The following NEK10 variants were observed in gnomAD, a reference collection of about 807,000 sequenced individuals.
NEK10 encodes the protein serine/threonine-protein kinase Nek10.
NEK10 carries 122 observed loss-of-function variants against 159.8 expected under a neutral mutation model. The ratio of observed to expected loss-of-function variants is 0.76; its 90% CI spans 0.66 to 0.89. NEK10 has a LOEUF of 0.89. Ranked by LOEUF, NEK10 falls within the 40% of genes least tolerant of loss-of-function variation. The pLI is 0.00. For missense variants in NEK10, 1,342 were observed against 1,323.1 expected, an observed-to-expected ratio of 1.01 and a Z score of -0.22; for synonymous variants, 466 against 457.1, an observed-to-expected ratio of 1.02 and a Z score of -0.25.
chr3:27,314,402 C>A, intron 6 of NEK10, 64 bp from the exon 7 acceptor site: 1 of 929,486 alleles, frequency 1.1e-6, no homozygotes, highest in Non-Finnish European at 1.7e-6. Flanking sequence ...GTATATTTTA[C>A]ATGCAATTTC....
intron 3 of NEK10, among the ~76,000 whole-genome samples, chr3:27,351,242 T>C (rs1559547037): frequency 2.0e-5 from 3 of 152,150 alleles, no homozygotes; most frequent in Admixed American, 2.0e-4. Context: ...TTTGATATTA[T>C]GGTTACATCA....
rs761250931 is a variant in NEK10, at chr3:27,284,829, TA to T, written c.1911+10del. The stretch of plus-strand genomic sequence containing the variant: ...TGTTTTAAGAAAAATTTAATGAAGA[TA>T]AAAGCATACCTGTATAAATATTTTC... On this transcript the variant is annotated intron_variant, in intron 21 of 35. Transcript: ENST00000691995. 5.1e-5 allele frequency: 81 copies of T among 1,576,624 alleles called. No homozygotes were observed. The African/African-American group carries it at 9.5e-4, about 18-fold the overall frequency.
chr3:27,258,149 T>C (rs535680372), intron 22 of NEK10, among the ~76,000 whole-genome samples: 104 of 152,282 alleles, frequency 6.8e-4, no homozygotes, highest in Non-Finnish European at 1.3e-3. Context: ...ACTGCTGATA[T>C]ATATTGTAAA....
intron 23 of NEK10, among the ~76,000 whole-genome samples, chr3:27,203,041 C>T (rs1284198780): frequency 1.1e-4 from 16 of 152,156 alleles, no homozygotes; most frequent in East Asian, 7.7e-4. Context: ...GTACTGAGGG[C>T]TTCCATTTAT....
At chr3:27,244,867 G>A (rs985319224) in intron 23 of NEK10, among the ~76,000 whole-genome samples, 2 of 151,932 alleles carry the variant, frequency 1.3e-5, no homozygotes, top group Non-Finnish European at 1.5e-5. Context: ...GCACTTCAGA[G>A]GGTTGCTCCC....
chr3:27,222,025 G>A (rs1952150100), intron 23 of NEK10, among the ~76,000 whole-genome samples: 1 of 152,178 alleles, frequency 6.6e-6, no homozygotes, highest in East Asian at 1.9e-4. Flanking sequence ...GGGTAGGAAG[G>A]GGAAGTAGGA....
chr3:27,358,745 T>G (rs1290860628), intron 1 of NEK10, among the ~76,000 whole-genome samples: 1 of 152,224 alleles, frequency 6.6e-6, no homozygotes, highest in Admixed American at 6.5e-5. Context: ...GATCCTCAGG[T>G]GGCCTCATAT....
At chr3:27,144,419 G>A (rs991124954) in intron 30 of NEK10, among the ~76,000 whole-genome samples, 6 of 152,202 alleles carry the variant, frequency 3.9e-5, no homozygotes, top group Non-Finnish European at 5.9e-5. Flanking sequence ...AAGTACAAGA[G>A]TTATTTTAGG....
At chr3:27,270,651 C>T (rs905737131) in intron 22 of NEK10, among the ~76,000 whole-genome samples, 3 of 152,144 alleles carry the variant, frequency 2.0e-5, no homozygotes, top group African/African-American at 7.2e-5. Context: ...GACTCCCTCC[C>T]TCCATCTCTC....
intron 23 of NEK10, among the ~76,000 whole-genome samples, chr3:27,232,636 G>A (rs1287054611): frequency 2.0e-5 from 3 of 151,980 alleles, no homozygotes; most frequent in Non-Finnish European, 4.4e-5. Flanking sequence ...TAAATCTGGA[G>A]GCATCACATT....
rs182518864 is a variant in NEK10 at position 27,239,785 on chromosome 3, T to C, written c.2090+16511A>G. Among the ~76,000 whole-genome samples the C allele has an allele frequency of 3.3e-5, 5 of 152,316 alleles. No individual in the cohort carries two copies. In the East Asian group the frequency reaches 9.7e-4, roughly 29 times the overall value. On this transcript the variant is annotated intron_variant, in intron 23 of 35. Coordinates refer to ENST00000691995, the MANE Select transcript of NEK10 (RefSeq NM_001394966.1). ...TGAAGAGTCATTAAATGTTGGGTAGTGACCATTTGCTTTGCCTGGCCACTA... is the reference window on the plus strand; with the variant it reads ...TGAAGAGTCATTAAATGTTGGGTAGCGACCATTTGCTTTGCCTGGCCACTA...
At chr3:27,176,847 T>C (rs1166466026) in intron 26 of NEK10, among the ~76,000 whole-genome samples, 2 of 152,194 alleles carry the variant, frequency 1.3e-5, no homozygotes, top group Non-Finnish European at 2.9e-5. Context: ...AATTTTTGAA[T>C]TGAGAAAACT....
At chr3:27,194,457 A>C (rs1263254419) in intron 25 of NEK10, 1 of 152,188 alleles carries the variant, frequency 6.6e-6, no homozygotes, top group Non-Finnish European at 1.5e-5. Context: ...GTCATAATAC[A>C]TGCTAAAGAT....
In NEK10 at chr3:27,311,033, G is replaced by T; in HGVS notation, c.569-17C>A. On this transcript the variant is annotated splice_polypyrimidine_tract_variant and intron_variant, in intron 8 of 35. Transcript: ENST00000691995. ...GAAAAATATCTATAAAGGAAAGAAA[G>T]AGCGCAAAGAGGCATCCAGAGATTA... 6.5e-7 allele frequency: 1 copy of T among 1,544,532 alleles called. No individual in the cohort carries two copies.
At chr3:27,339,963 A>G (rs1313867284) in intron 5 of NEK10, among the ~76,000 whole-genome samples, 3 of 152,160 alleles carry the variant, frequency 2.0e-5, no homozygotes, top group African/African-American at 7.2e-5. Flanking sequence ...TTCCTCAAGG[A>G]TCTAGAACCA....
In NEK10 at chr3:27,260,411, TGA is replaced by T. The variant is rs755270148; in HGVS notation, c.2015-4042_2015-4041del. Among the ~76,000 whole-genome samples, 31 of 152,294 alleles carry T rather than the reference TGA, an allele frequency of 2.0e-4. No homozygotes were observed. In the Middle Eastern group the frequency reaches 0.01, roughly 50 times the overall value. ...TAGGTCCCATCAATACCTAATTTAT[TGA>T]GAGTTTTTAGCATGAAGCGTTGTTG... On this transcript the variant is annotated intron_variant, in intron 22 of 35. Transcript: ENST00000691995.
intron 31 of NEK10, among the ~76,000 whole-genome samples, chr3:27,137,179 G>T (rs1234322142): frequency 6.6e-6 from 1 of 152,012 alleles, no homozygotes; most frequent in Non-Finnish European, 1.5e-5. Flanking sequence ...GAGTATTCTG[G>T]AAATACATTT....
intron 5 of NEK10, among the ~76,000 whole-genome samples, chr3:27,330,918 G>A (rs1012606379): frequency 3.9e-5 from 6 of 152,092 alleles, no homozygotes; most frequent in African/African-American, 9.7e-5. Context: ...GGAATAGGCC[G>A]TTATAACATT....
chr3:27,253,038 T>G (rs1955824558), intron 23 of NEK10: 1 of 389,384 alleles, frequency 2.6e-6, no homozygotes, highest in East Asian at 7.2e-5. Context: ...ATTTAAGAAG[T>G]GCAGTTAATA....
Sources: allele counts gnomAD v4.1 joint callset (sites outside exome capture counted in the v4.1 genomes callset), GRCh38; gene constraint gnomAD v4.1.1; transcripts MANE v1.5; gene names NCBI Gene and HGNC (gene_info 2026-07-23, HGNC 2026-07-21).